SCUBE2: variants seen among roughly 807,000 people sequenced by gnomAD.
SCUBE2 encodes the protein signal peptide, CUB domain and EGF like domain containing 2.
A neutral mutation model predicts 125.9 loss-of-function variants in SCUBE2; 114 were observed. That is an observed-to-expected ratio of 0.91 (90% CI 0.78 to 1.06). The LOEUF (loss-of-function observed/expected upper bound fraction) is 1.06, where lower values mean the gene tolerates loss of function less well. Among genes scored for constraint, SCUBE2 ranks in the 50% least tolerant of loss-of-function variants. SCUBE2 has a pLI of 0.00. For missense variants in SCUBE2, 1,255 were observed against 1,301.8 expected, an observed-to-expected ratio of 0.96 and a Z score of 0.55; for synonymous variants, 459 against 492.9, an observed-to-expected ratio of 0.93 and a Z score of 0.91.
At chr11:9,081,179 G>A (rs1166076450) in intron 2 of SCUBE2, among the ~76,000 whole-genome samples, 1 of 152,202 alleles carries the variant, frequency 6.6e-6, no homozygotes, top group Non-Finnish European at 1.5e-5. Context: ...AGCCACTTTG[G>A]ACAAGAGTTT....
In SCUBE2 at chr11:9,079,440, T is replaced by C. The variant is rs538687829; in HGVS notation, c.326A>G (p.Tyr109Cys). ...GAAGCCATCAAAACAAGTGCAACGA[T>C]AATTGCCTGGAATATTCAAACAGTC... ...VHDCLNIPGN[Y>C]RCTCFDGFML... Residue 109 changes from tyrosine (Y) to cysteine (C), a missense_variant, in exon 3 of 23, where the codon TAT becomes TGT. This residue lies in a region of SCUBE2 where 362 missense variants were observed against 323.0 expected (regional missense o/e 1.12). Transcript: ENST00000649792. 1 of 1,614,198 alleles carries C rather than the reference T, an allele frequency of 6.2e-7. No individual in the cohort carries two copies. Among genetic ancestry groups the C allele is most frequent in the South Asian group, 1.1e-5 (1 of 91,084 alleles).
intron 14 of SCUBE2, 102 bp downstream of exon 14, chr11:9,050,504 C>T (rs534235668): frequency 1.4e-4 from 113 of 832,844 alleles, no homozygotes; most frequent in African/African-American, 9.1e-4. Flanking sequence ...GTGCTTGGAT[C>T]GGCTGGACAG....
chr11:9,091,483 GCAC>G lies in SCUBE2; in HGVS notation c.43_45del (p.Val15del). On this transcript the variant is annotated inframe_deletion, in exon 1 of 23. Transcript: ENST00000649792. The surrounding 1 kb of genome is among the most constrained non-coding windows in gnomAD (Gnocchi z 8.5). ...GGCGGCAGCAGCAGCAGCAGCAGCA[GCAC>G]CGCCCAGGCCGCCCCGGGACGGTTG... 1 of 898,484 alleles carries G rather than the reference GCAC, an allele frequency of 1.1e-6. No homozygotes were observed. Among genetic ancestry groups the G allele is most frequent in the Non-Finnish European group, 1.5e-6 (1 of 684,454 alleles). The allele number at this position is 898,484 out of a possible 1,614,324, so 55.7% of individuals were successfully genotyped here.
chr11:9,048,243 T>G (rs1858002746), intron 14 of SCUBE2, 145 bp from the exon 15 acceptor site: 1 of 716,788 alleles, frequency 1.4e-6, no homozygotes, highest in South Asian at 2.7e-5. Flanking sequence ...TGCAAGCCCT[T>G]AACTTGGAGC....
intron 21 of SCUBE2, among the ~76,000 whole-genome samples, chr11:9,023,311 A>G (rs1273051319): frequency 1.3e-5 from 2 of 152,230 alleles, no homozygotes; most frequent in Admixed American, 1.3e-4. Context: ...TAATAGTCAC[A>G]ATTACTAATT....
intron 16 of SCUBE2, among the ~76,000 whole-genome samples, chr11:9,034,796 C>T (rs1028633289): frequency 6.6e-6 from 1 of 151,156 alleles, no homozygotes; most frequent in African/African-American, 2.4e-5. Context: ...GCCTGGCCAA[C>T]ATGGAGAAAC....
chr11:9,024,172 A>C (rs1589984871), intron 21 of SCUBE2: 1 of 1,059,906 alleles, frequency 9.4e-7, no homozygotes, highest in East Asian at 7.4e-5. Context: ...CATTTTAAAA[A>C]AAATCAAGAC....
intron 16 of SCUBE2, among the ~76,000 whole-genome samples, chr11:9,038,268 G>T (rs1321521738): frequency 6.6e-6 from 1 of 152,144 alleles, no homozygotes; most frequent in African/African-American, 2.4e-5. Context: ...ACAAAGAGGG[G>T]GTAGGGATGG....
At chr11:9,039,504 T>G (rs1400409740) in intron 16 of SCUBE2, among the ~76,000 whole-genome samples, 2 of 152,120 alleles carry the variant, frequency 1.3e-5, no homozygotes, top group Non-Finnish European at 2.9e-5. Context: ...AACACTGAGT[T>G]TGAGATGCCA....
At chr11:9,060,958 G>T (rs1467576469) in intron 7 of SCUBE2, among the ~76,000 whole-genome samples, 2 of 152,098 alleles carry the variant, frequency 1.3e-5, no homozygotes, top group Non-Finnish European at 2.9e-5. Flanking sequence ...AAGCATCGCC[G>T]CCCCAACCAC....
At chr11:9,036,004 C>A (rs1338580356) in intron 16 of SCUBE2, among the ~76,000 whole-genome samples, 5 of 152,096 alleles carry the variant, frequency 3.3e-5, no homozygotes, top group Non-Finnish European at 4.4e-5. Flanking sequence ...TTCTCCCACC[C>A]CAGCTTCCCA....
At chr11:9,064,370 G>A (rs1006806889) in intron 7 of SCUBE2, among the ~76,000 whole-genome samples, 6 of 151,834 alleles carry the variant, frequency 4.0e-5, no homozygotes, top group African/African-American at 1.5e-4. Flanking sequence ...GGAAGCTGAG[G>A]TGAGAGAATC....
intron 2 of SCUBE2, among the ~76,000 whole-genome samples, chr11:9,084,601 T>A (rs1861910388): frequency 6.6e-6 from 1 of 152,198 alleles, no homozygotes; most frequent in Non-Finnish European, 1.5e-5. Context: ...CAATCAAGGT[T>A]AACATCATCA....
At chr11:9,075,233 C>T (rs1590139285) in intron 3 of SCUBE2, among the ~76,000 whole-genome samples, 1 of 151,162 alleles carries the variant, frequency 6.6e-6, no homozygotes, top group East Asian at 1.9e-4. Context: ...AAAAATCCTT[C>T]TCTCTAGGAG....
chr11:9,030,746 C>A lies in SCUBE2; in HGVS notation c.2341+12G>T. 5 of 1,609,272 alleles carry A rather than the reference C, an allele frequency of 3.1e-6. No homozygotes were observed. The highest frequency in any genetic ancestry group is 4.2e-6 in the Non-Finnish European group (5 of 1,177,574). The stretch of plus-strand genomic sequence containing the variant: ...TCCAGTCCTAGAAAAAGGCAAGCTG[C>A]CAAGTACTCACCTCTGGTTTCACAG... On this transcript the variant is annotated intron_variant, in intron 18 of 22. Transcript: ENST00000649792.
intron 3 of SCUBE2, 91 bp from the exon 4 acceptor site, chr11:9,074,706 G>T (rs993125162): frequency 3.4e-6 from 5 of 1,463,216 alleles, no homozygotes; most frequent in Non-Finnish European, 4.7e-6. Context: ...AAGCAAAGAT[G>T]AGGTTCCTCT....
rs1264670720 is a variant in SCUBE2, at chr11:9,021,200, A to AAAAAG, written c.2935-8_2935-4dup. ...AGAGCCTTGATAAGTTTCTTATCCT[A>AAAAAG]AAAAGAACAGAATTTTTGTTACTGG... On this transcript the variant is annotated splice_region_variant and splice_polypyrimidine_tract_variant and intron_variant, in intron 22 of 22. Coordinates refer to ENST00000649792, the MANE Select transcript of SCUBE2 (RefSeq NM_001367977.2). 6.4e-7 allele frequency: 1 copy of AAAAAG among 1,553,284 alleles called. No homozygotes were observed. Among genetic ancestry groups the AAAAAG allele is most frequent in the Admixed American group, 2.0e-5 (1 of 49,944 alleles).
chr11:9,075,075 G>A (rs1861110404), intron 3 of SCUBE2, among the ~76,000 whole-genome samples: 1 of 151,960 alleles, frequency 6.6e-6, no homozygotes, highest in Non-Finnish European at 1.5e-5. Context: ...AATCAGCTAG[G>A]CATGGTGGCA....
chr11:9,021,821 AGTACT>A lies in SCUBE2; in HGVS notation c.2934+50_2934+54del, dbSNP rs1300106453. ...AGCAGGAGGAGAAGCCTTCTCCAAC[AGTACT>A]CGGGAAGCTCTGTGGATAACTGCCA... On this transcript the variant is annotated intron_variant, in intron 22 of 22. Coordinates refer to ENST00000649792, the MANE Select transcript of SCUBE2 (RefSeq NM_001367977.2). The A allele has an allele frequency of 4.5e-6, 6 of 1,327,992 alleles. No homozygotes were observed. The Admixed American group carries it at 5.0e-5, about 11-fold the overall frequency. 82.3% of individuals were successfully genotyped at this position (1,327,992 alleles called of 1,614,324 possible).
Sources: gnomAD v4.1 joint callset for allele counts (sites outside exome capture counted in the v4.1 genomes callset) on GRCh38, gnomAD v4.1.1 for gene constraint, gnomAD v4.1.1 regional missense constraint, Gnocchi (gnomAD v3.1) non-coding constraint, MANE v1.5 for transcripts, NCBI Gene and HGNC (gene_info 2026-07-23, HGNC 2026-07-21) for gene names.